Variants in GMDS observed in about 807,000 individuals in gnomAD.
GMDS encodes GDP-mannose 4,6-dehydratase.
GMDS carries 20 observed loss-of-function variants against 49.9 expected under a neutral mutation model. That is an observed-to-expected ratio of 0.40 (90% confidence interval 0.28 to 0.58). The LOEUF (loss-of-function observed/expected upper bound fraction) is 0.58. Ranked by LOEUF, GMDS falls within the 20% of genes least tolerant of loss-of-function variation. The probability of loss-of-function intolerance (pLI) is 0.42; values close to 1 mark genes in which losing one functional copy is unlikely to be tolerated. For missense variants in GMDS, 362 were observed against 481.4 expected (o/e 0.75, Z 2.32); for synonymous variants, 177 against 178.6 (o/e 0.99, Z 0.07).
At chr6:1,936,260 T>C (rs975268942) in intron 6 of GMDS, among the ~76,000 whole-genome samples, 1 of 152,118 alleles carries the variant, frequency 6.6e-6, no homozygotes, top group Non-Finnish European at 1.5e-5. Flanking sequence ...CAAGGCTCAA[T>C]GTGAGCAGTG....
At position 1,838,486 on chromosome 6, in the gene GMDS, T is replaced by C. The variant is rs141866900; in HGVS notation, c.771+91617A>G. ...GTATCAGGGATGATGAGGTTTTCTA[T>C]AAAGGCTTTGGCTGTTTTTTTCCAC... On this transcript the variant is annotated intron_variant, in intron 7 of 10. Transcript: ENST00000380815. Among the ~76,000 whole-genome samples, 951 of 152,366 alleles carry C rather than the reference T, an allele frequency of 6.2e-3. 9 individuals are homozygous for C. Among genetic ancestry groups the C allele is most frequent in the African/African-American group, 0.021 (867 of 41,582 alleles).
chr6:2,201,359 A>G (rs1243895062), intron 1 of GMDS, among the ~76,000 whole-genome samples: 16 of 129,660 alleles, frequency 1.2e-4, no homozygotes. Context: ...GTGAAGGATG[A>G]AGAGAGAGCA....
intron 7 of GMDS, among the ~76,000 whole-genome samples, chr6:1,914,194 C>T (rs1259123819): frequency 2.1e-5 from 3 of 141,556 alleles, no homozygotes; most frequent in Non-Finnish European, 3.0e-5. Context: ...CGGTGGCTCA[C>T]GCCTGTAATC....
chr6:2,020,618 T>C lies in GMDS; in HGVS notation c.346-59652A>G, dbSNP rs7761379. ...CACTACAATGCATCCAGAGGCATAT[T>C]TTTTTTAAAAAATCAAAATCAGAGA... is the stretch of plus-strand genomic sequence containing the variant. On this transcript the variant is annotated intron_variant, in intron 4 of 10. Transcript: ENST00000380815. Among the ~76,000 whole-genome samples the C allele has an allele frequency of 5.3e-3, 799 of 152,142 alleles. 10 individuals are homozygous for C. Among genetic ancestry groups the C allele is most frequent in the African/African-American group, 0.019 (771 of 41,538 alleles).
At chr6:1,781,221 C>T (rs1412142779) in intron 7 of GMDS, among the ~76,000 whole-genome samples, 1 of 152,200 alleles carries the variant, frequency 6.6e-6, no homozygotes, top group South Asian at 2.1e-4. Flanking sequence ...TCCAGCTCTG[C>T]CTGGCTCCCT....
chr6:2,046,025 A>G (rs1769991152), intron 4 of GMDS, among the ~76,000 whole-genome samples: 2 of 152,190 alleles, frequency 1.3e-5, no homozygotes. Context: ...AGCCTAGGCA[A>G]TATAGCAAGA....
At chr6:1,663,345 G>T (rs1212375775) in intron 9 of GMDS, among the ~76,000 whole-genome samples, 1 of 152,116 alleles carries the variant, frequency 6.6e-6, no homozygotes, top group South Asian at 2.1e-4. Flanking sequence ...TGAACTGTGG[G>T]ACCTCCTTCA....
chr6:2,104,414 G>A (rs946374441), intron 4 of GMDS, among the ~76,000 whole-genome samples: 26 of 152,158 alleles, frequency 1.7e-4, no homozygotes, highest in Non-Finnish European at 3.5e-4. Context: ...GAGTCAGTTT[G>A]TACTGTCACT....
In GMDS at chr6:2,000,298, A is replaced by G. The variant is rs9392350; in HGVS notation, c.346-39332T>C. 1.3e-4 allele frequency among the ~76,000 whole-genome samples: 19 copies of G among 150,766 alleles called. No individual in the cohort carries two copies. The South Asian group carries it at 1.9e-3, about 15-fold the overall frequency. On this transcript the variant is annotated intron_variant, in intron 4 of 10. Coordinates refer to ENST00000380815, the MANE Select transcript of GMDS (RefSeq NM_001500.4). The stretch of plus-strand genomic sequence containing the variant: ...GATCCACCCGCCTTGGCCTCCCAAA[A>G]TGCTGGGATTACAGGCGTGAGCCAC...
At chr6:1,848,128 G>A (rs1036500705) in intron 7 of GMDS, among the ~76,000 whole-genome samples, 4 of 152,142 alleles carry the variant, frequency 2.6e-5, no homozygotes, top group East Asian at 3.8e-4. Flanking sequence ...AATCTTCATA[G>A]ATCCACACCG....
intron 7 of GMDS, among the ~76,000 whole-genome samples, chr6:1,877,127 G>A (rs906088894): frequency 1.3e-5 from 2 of 151,998 alleles, no homozygotes; most frequent in South Asian, 4.2e-4. Context: ...GGAAGGGAAT[G>A]AATTCACATA....
intron 9 of GMDS, among the ~76,000 whole-genome samples, chr6:1,652,266 G>A (rs62390650): frequency 0.28 from 39,009 of 138,080 alleles, 5,706 homozygotes; most frequent in East Asian, 0.54. Context: ...CAGCTACTTG[G>A]GAGGCTGAGG....
intron 1 of GMDS, among the ~76,000 whole-genome samples, chr6:2,201,373 C>G (rs1779525616): frequency 8.1e-6 from 1 of 123,140 alleles, no homozygotes; most frequent in Admixed American, 8.1e-5. Flanking sequence ...GAGAGCACCA[C>G]ATGCACATCT....
At chr6:2,188,729 C>T (rs571216828) in intron 1 of GMDS, among the ~76,000 whole-genome samples, 17 of 152,212 alleles carry the variant, frequency 1.1e-4, no homozygotes, top group South Asian at 6.2e-4. Context: ...CAGAAGACTG[C>T]GAGGCAGGCG....
chr6:1,763,518 C>T (rs1286065357), intron 7 of GMDS, among the ~76,000 whole-genome samples: 1 of 152,174 alleles, frequency 6.6e-6, no homozygotes, highest in Admixed American at 6.5e-5. Flanking sequence ...GGTGGACAGA[C>T]ATTAAAAACC....
chr6:1,812,913 C>T (rs2113684494), intron 7 of GMDS, among the ~76,000 whole-genome samples: 1 of 152,030 alleles, frequency 6.6e-6, no homozygotes, highest in African/African-American at 2.4e-5. Flanking sequence ...TTTTATTATT[C>T]TCTAGGTGCT....
At chr6:2,091,873 G>T (rs964186065) in intron 4 of GMDS, among the ~76,000 whole-genome samples, 2 of 151,682 alleles carry the variant, frequency 1.3e-5, no homozygotes, top group African/African-American at 4.9e-5. Flanking sequence ...TCCAACCTGG[G>T]CGACAGAGCA....
intron 6 of GMDS, among the ~76,000 whole-genome samples, chr6:1,949,772 G>A (rs35772775): frequency 9.2e-5 from 14 of 152,076 alleles, no homozygotes; most frequent in African/African-American, 1.4e-4. Context: ...CAAGAGTAGC[G>A]GCCAACAATC....
Position 1,766,318 on chromosome 6 carries a change from G to T in GMDS, c.772-23732C>A, listed in dbSNP as rs574809455. On this transcript the variant is annotated intron_variant, in intron 7 of 10. Transcript: ENST00000380815. This position sits in a 1 kb window ranked among gnomAD's most constrained non-coding sequence, Gnocchi z 4.5. ...AACTTTCGAGGCAGCAGATTCATTT[G>T]GGCTTCAGGAAACGCGGTGCATGAG... Among the ~76,000 whole-genome samples the T allele has an allele frequency of 6.6e-6, 1 of 152,252 alleles. No individual in the cohort carries two copies. Among genetic ancestry groups the T allele is most frequent in the East Asian group, 1.9e-4 (1 of 5,182 alleles).
Sources: allele counts gnomAD v4.1 joint callset (sites outside exome capture counted in the v4.1 genomes callset), GRCh38; gene constraint gnomAD v4.1.1; non-coding constraint Gnocchi (gnomAD v3.1); transcripts MANE v1.5; gene names NCBI Gene and HGNC (gene_info 2026-07-23, HGNC 2026-07-21).